MBP: variants seen among roughly 807,000 people sequenced by gnomAD.
MBP encodes Golli-MBP.
Under a neutral mutation model 35.8 loss-of-function variants are expected in MBP, and 16 were observed. The ratio of observed to expected loss-of-function variants is 0.45; its 90% CI spans 0.30 to 0.68. MBP has a LOEUF of 0.68. Among genes scored for constraint, MBP ranks in the 30% least tolerant of loss-of-function variants. The pLI is 0.08. For synonymous variants in MBP, 143 were observed against 159.6 expected (o/e 0.90, Z 0.78); for missense variants, 380 against 404.7 (o/e 0.94, Z 0.52).
intron 1 of MBP, among the ~76,000 whole-genome samples, chr18:77,126,621 C>T (rs1977058874): frequency 6.6e-6 from 1 of 152,108 alleles, no homozygotes; most frequent in African/African-American, 2.4e-5. Flanking sequence ...ACATGATGAT[C>T]TACATAGACA....
At chr18:77,025,522 C>T (rs1050453263) in intron 3 of MBP, among the ~76,000 whole-genome samples, 5 of 152,110 alleles carry the variant, frequency 3.3e-5, no homozygotes, top group African/African-American at 1.2e-4. Flanking sequence ...ACCCACCCGA[C>T]AGTCTGTCCG....
intron 4 of MBP, among the ~76,000 whole-genome samples, chr18:76,996,191 C>T (rs28815543): frequency 0.11 from 17,282 of 152,174 alleles, 1,128 homozygotes; most frequent in East Asian, 0.31. Flanking sequence ...TTCCCAAGTG[C>T]TGGGAACGCA....
intron 2 of MBP, among the ~76,000 whole-genome samples, chr18:77,085,212 T>C (rs374527243): frequency 7.2e-5 from 11 of 152,228 alleles, no homozygotes; most frequent in African/African-American, 2.4e-4. Context: ...AAAACAGTCC[T>C]ACTTAATTCC....
intron 3 of MBP, among the ~76,000 whole-genome samples, chr18:77,043,808 T>G (rs1599130790): frequency 6.6e-6 from 1 of 152,184 alleles, no homozygotes; most frequent in East Asian, 1.9e-4. Flanking sequence ...ACGCAGGAGC[T>G]GACACATCTC....
intron 4 of MBP, among the ~76,000 whole-genome samples, chr18:76,994,622 G>T (rs1258333983): frequency 4.6e-5 from 7 of 152,298 alleles, no homozygotes; most frequent in South Asian, 4.1e-4. Flanking sequence ...TCACTACACT[G>T]GTGAGGAAAA....
intron 3 of MBP, among the ~76,000 whole-genome samples, chr18:77,060,448 C>CATT (rs767880086): frequency 1.0e-5 from 1 of 97,630 alleles, no homozygotes; most frequent in Non-Finnish European, 1.8e-5. Flanking sequence ...TCTCTCTCTC[C>CATT]TTTTTTTTTT....
Position 76,979,645 on chromosome 18 carries a change from C to T in MBP, c.*782G>A, listed in dbSNP as rs926574426. Reference sequence around the variant, plus strand: ...GGGCCACCATGCAGGGCAACGGTGACGTCCAGAGGCCACCTGCTTGACATC... The same window carrying T: ...GGGCCACCATGCAGGGCAACGGTGATGTCCAGAGGCCACCTGCTTGACATC... On this transcript the variant is annotated 3_prime_UTR_variant, in exon 9 of 9. Coordinates refer to ENST00000355994, the MANE Select transcript of MBP (RefSeq NM_001025101.2). The T allele has an allele frequency of 1.1e-4, 44 of 406,108 alleles. No homozygotes were observed. Among genetic ancestry groups the T allele is most frequent in the South Asian group, 7.9e-4 (29 of 36,630 alleles). 25.2% of individuals were successfully genotyped at this position (406,108 alleles called of 1,614,324 possible).
chr18:77,007,544 C>A (rs1245575477), intron 4 of MBP, among the ~76,000 whole-genome samples: 2 of 152,246 alleles, frequency 1.3e-5, no homozygotes, highest in Non-Finnish European at 2.9e-5. Flanking sequence ...AAGAGCAACG[C>A]TGGGAGCCCA....
intron 4 of MBP, among the ~76,000 whole-genome samples, chr18:77,007,150 C>A (rs564748924): frequency 6.6e-5 from 10 of 152,328 alleles, no homozygotes; most frequent in African/African-American, 2.4e-4. Context: ...ATTTTAAAAT[C>A]CCTCTGTATT....
intron 2 of MBP, among the ~76,000 whole-genome samples, chr18:77,073,931 G>A (rs949122365): frequency 4.0e-5 from 6 of 150,696 alleles, no homozygotes; most frequent in Non-Finnish European, 8.9e-5. Context: ...TGTACTTATC[G>A]GAAACGAAAT....
intron 3 of MBP, among the ~76,000 whole-genome samples, chr18:77,063,755 G>GT (rs1974079183): frequency 6.6e-6 from 1 of 152,052 alleles, no homozygotes; most frequent in Non-Finnish European, 1.5e-5. Context: ...TCTAAACTCA[G>GT]TATCTCTTGG....
At chr18:77,085,583 T>C (rs909651294) in intron 2 of MBP, among the ~76,000 whole-genome samples, 4 of 152,200 alleles carry the variant, frequency 2.6e-5, no homozygotes, top group South Asian at 2.1e-4. Context: ...TTTACTGTCA[T>C]TCATCTTCTG....
At chr18:77,038,627 G>A (rs1386053164) in intron 3 of MBP, among the ~76,000 whole-genome samples, 1 of 152,144 alleles carries the variant, frequency 6.6e-6, no homozygotes, top group Non-Finnish European at 1.5e-5. Flanking sequence ...CCAGGGCTTG[G>A]CATCAAGTAC....
At chr18:77,029,335 G>C (rs571594337) in intron 3 of MBP, among the ~76,000 whole-genome samples, 5 of 149,876 alleles carry the variant, frequency 3.3e-5, no homozygotes, top group Non-Finnish European at 7.4e-5. Context: ...CAGGCAGGGG[G>C]GTTGCAGTGA....
chr18:77,047,837 T>A (rs893966342), intron 3 of MBP, among the ~76,000 whole-genome samples: 4 of 152,180 alleles, frequency 2.6e-5, no homozygotes, highest in African/African-American at 9.7e-5. Flanking sequence ...GCAAATGAAC[T>A]GATTATTTAC....
At position 77,084,202 on chromosome 18, in the gene MBP, G is replaced by A. The variant is rs542788212; in HGVS notation, c.52-17817C>T. On this transcript the variant is annotated intron_variant, in intron 2 of 8. Transcript: ENST00000355994. ...GCCACACTCTTTGTGAGATCATTTT[G>A]TAGTGTAATTAAGATGGCAGTGTGT... 4.8e-4 allele frequency among the ~76,000 whole-genome samples: 73 copies of A among 152,134 alleles called. 1 individual carries two copies. The highest frequency in any genetic ancestry group is 9.7e-4 in the Non-Finnish European group (66 of 68,014).
At chr18:77,003,610 AAC>A (rs1457292243) in intron 4 of MBP, 2 of 152,242 alleles carry the variant, frequency 1.3e-5, no homozygotes, top group Non-Finnish European at 2.9e-5. Flanking sequence ...GATAAGAAAG[AAC>A]AGAGGTATAT....
At chr18:77,025,866 C>T (rs1057381800) in intron 3 of MBP, among the ~76,000 whole-genome samples, 1 of 152,110 alleles carries the variant, frequency 6.6e-6, no homozygotes, top group Non-Finnish European at 1.5e-5. Flanking sequence ...TAAACCAGGA[C>T]GGACAGGCCG....
chr18:77,016,686 G>T, intron 4 of MBP, 146 bp downstream of exon 4: 2 of 1,446,346 alleles, frequency 1.4e-6, no homozygotes, highest in Non-Finnish European at 1.8e-6. Flanking sequence ...ACACTCTTGG[G>T]CTCATATGCA....
Sources: gnomAD v4.1 joint callset for allele counts (sites outside exome capture counted in the v4.1 genomes callset) on GRCh38, gnomAD v4.1.1 for gene constraint, MANE v1.5 for transcripts, NCBI Gene and HGNC (gene_info 2026-07-23, HGNC 2026-07-21) for gene names.